Variants in SYNE1 observed in about 807,000 individuals in gnomAD.
SYNE1 encodes nesprin-1.
Under a neutral mutation model 1,111.0 loss-of-function variants are expected in SYNE1, and 616 were observed. The ratio of observed to expected loss-of-function variants is 0.55; its 90% confidence interval spans 0.52 to 0.59. SYNE1 has a LOEUF of 0.59. Ranked by LOEUF, SYNE1 falls within the 20% of genes least tolerant of loss-of-function variation. SYNE1 has a pLI of 0.00. For missense variants in SYNE1, 10,006 were observed against 10,417.0 expected (o/e 0.96, Z 1.72); for synonymous variants, 3,855 against 3,825.8 (o/e 1.01, Z -0.28).
chr6:152,516,146 T>C (rs1186553347), intron 6 of SYNE1, among the ~76,000 whole-genome samples: 1 of 152,150 alleles, frequency 6.6e-6, no homozygotes, highest in Non-Finnish European at 1.5e-5. Context: ...CAAAACTCAT[T>C]ACTTCCCACA....
chr6:152,453,591 A>G lies in SYNE1; in HGVS notation c.3022T>C (p.Trp1008Arg), dbSNP rs772124254. ...TCCGTCCTGTCCTGACTCACCTTCCATTGTTTGTGGAGCTTTCGAACAGCT... is the reference window on the plus strand; with the variant it reads ...TCCGTCCTGTCCTGACTCACCTTCCGTTGTTTGTGGAGCTTTCGAACAGCT... Reference protein sequence around the residue: ...QEAVRKLHKQWKDLQGEAPYH... With the variant: ...QEAVRKLHKQRKDLQGEAPYH... Residue 1008 changes from tryptophan (W) to arginine (R), a missense_variant, in exon 25 of 146, where the codon TGG becomes CGG. Physicochemically the swap from Trp to Arg is moderately radical, Grantham distance 101 (BLOSUM62 -3). Around this residue, in one of 7 missense-constraint regions of SYNE1, gnomAD observed 1,971 missense variants for 2,084.1 expected, o/e 0.95. Transcript: ENST00000367255. 6.2e-7 allele frequency: 1 copy of G among 1,614,146 alleles called. No individual in the cohort carries two copies.
At chr6:152,555,200 G>A (rs897366611) in intron 3 of SYNE1, among the ~76,000 whole-genome samples, 9 of 152,040 alleles carry the variant, frequency 5.9e-5, no homozygotes, top group Non-Finnish European at 1.2e-4. Flanking sequence ...TTGTGTCTTT[G>A]GGGAAATTGG....
chr6:152,502,811 G>A (rs1212278868), intron 9 of SYNE1, 69 bp from the exon 10 acceptor site: 24 of 1,193,954 alleles, frequency 2.0e-5, no homozygotes, highest in Non-Finnish European at 2.7e-5. Flanking sequence ...TACAAGTTTG[G>A]TATCTAGCTA....
chr6:152,455,790 G>C (rs1340467656), intron 23 of SYNE1, 96 bp downstream of exon 23: 1 of 1,549,080 alleles, frequency 6.5e-7, no homozygotes, highest in Non-Finnish European at 8.9e-7. Flanking sequence ...CAGCAGGTAA[G>C]GCGTTTTAGC....
intron 126 of SYNE1, among the ~76,000 whole-genome samples, chr6:152,204,365 C>CAAAAAAAAAAAAAAAAA (rs57252682): frequency 1.1e-5 from 1 of 89,770 alleles, no homozygotes. Flanking sequence ...GACTCTATGT[C>CAAAAAAAAAAAAAAAAA]AAAAAAAAAA....
At chr6:152,456,087 A>G (rs2154258268) in intron 22 of SYNE1, 43 bp from the exon 23 acceptor site, 4 of 1,591,646 alleles carry the variant, frequency 2.5e-6, no homozygotes, top group Non-Finnish European at 3.4e-6. Context: ...TTTACAAGAC[A>G]GAGTGAGAGA....
intron 16 of SYNE1, among the ~76,000 whole-genome samples, chr6:152,469,673 T>A (rs982962603): frequency 6.6e-6 from 1 of 152,160 alleles, no homozygotes; most frequent in Non-Finnish European, 1.5e-5. Context: ...AGTTAAAAAT[T>A]TTTTTTACAA....
Position 152,398,664 on chromosome 6 carries a change from G to A in SYNE1, c.7305C>T (p.Arg2435=), listed in dbSNP as rs776476892. ...CTTCTAGAACTTTGCTGTCACCGGT[G>A]CGATCTGATGATTCTTTTGCTGCTG... The part of the protein sequence containing the change: ...AKAAAKESSD[R]TGDSKVLEAK... Residue 2435 remains arginine, a synonymous_variant, in exon 49 of 146, where the codon CGC becomes CGT. Transcript: ENST00000367255. The A allele has an allele frequency of 5.0e-6, 8 of 1,613,872 alleles. No individual in the cohort carries two copies. The South Asian group carries it at 6.6e-5, about 13-fold the overall frequency.
chr6:152,513,183 A>G (rs1400017555), intron 6 of SYNE1, among the ~76,000 whole-genome samples: 1 of 152,176 alleles, frequency 6.6e-6, no homozygotes, highest in African/African-American at 2.4e-5. Flanking sequence ...TAATCTGGAG[A>G]AGTCTGAGTT....
rs761961310 is a variant in SYNE1 at position 152,219,000 on chromosome 6, T to A, written c.22044+3A>T. 6.2e-7 allele frequency: 1 copy of A among 1,613,714 alleles called. No homozygotes were observed. Among genetic ancestry groups the A allele is most frequent in the East Asian group, 2.2e-5 (1 of 44,884 alleles). On this transcript the variant is annotated splice_donor_region_variant and intron_variant, in intron 120 of 145. Transcript: ENST00000367255. ...CAGAAGATACTAAATAGGAGCTCTG[T>A]ACCTGTAATGAAGTCTGCTGTTTGC...
intron 42 of SYNE1, 94 bp from the exon 43 acceptor site, chr6:152,409,803 G>T (rs1036695873): frequency 7.5e-7 from 1 of 1,330,928 alleles, no homozygotes; most frequent in Non-Finnish European, 1.1e-6. Context: ...CTACGTAAAG[G>T]TATTAATACT....
chr6:152,189,068 T>C (rs2153229156), intron 128 of SYNE1, among the ~76,000 whole-genome samples, 184 bp downstream of exon 128: 1 of 146,270 alleles, frequency 6.8e-6, no homozygotes, highest in South Asian at 2.2e-4. Flanking sequence ...TTTAGGTTTT[T>C]CTAAAATGTG....
At chr6:152,520,951 C>T (rs2099135941) in intron 5 of SYNE1, among the ~76,000 whole-genome samples, 1 of 152,078 alleles carries the variant, frequency 6.6e-6, no homozygotes, top group African/African-American at 2.4e-5. Context: ...AAAGTCAGGA[C>T]CCACAACTAA....
intron 14 of SYNE1, among the ~76,000 whole-genome samples, chr6:152,477,377 AC>A (rs2098841205): frequency 1.3e-5 from 2 of 152,246 alleles, no homozygotes; most frequent in South Asian, 4.1e-4. Flanking sequence ...TGAAGAGGGG[AC>A]CTTTTAGTAA....
intron 3 of SYNE1, among the ~76,000 whole-genome samples, chr6:152,619,774 T>A (rs1727043): frequency 0.97 from 146,857 of 152,140 alleles, 70,945 homozygotes; most frequent in East Asian, 1. Context: ...GGAGAATTTC[T>A]CAAGGGTCAT....
intron 46 of SYNE1, among the ~76,000 whole-genome samples, chr6:152,403,422 C>G (rs1036138345): frequency 1.3e-5 from 2 of 152,136 alleles, no homozygotes; most frequent in Non-Finnish European, 2.9e-5. Flanking sequence ...CATCAACATT[C>G]ATAAGAAGGG....
chr6:152,231,775 T>C (rs1588328529), intron 113 of SYNE1, among the ~76,000 whole-genome samples: 1 of 106,156 alleles, frequency 9.4e-6, no homozygotes, highest in Non-Finnish European at 1.8e-5. Flanking sequence ...AACACAGATA[T>C]ACGTGTGTAT....
chr6:152,399,011 T>C (rs2097774217), intron 48 of SYNE1, among the ~76,000 whole-genome samples: 1 of 152,226 alleles, frequency 6.6e-6, no homozygotes, highest in Non-Finnish European at 1.5e-5. Context: ...GTTTTCTCTT[T>C]GGGTCAAGAA....
Position 152,193,855 on chromosome 6 carries a change from T to C in SYNE1, c.23146-4448A>G, listed in dbSNP as rs138446150. 8.9e-3 allele frequency among the ~76,000 whole-genome samples: 1,354 copies of C among 151,504 alleles called. 12 individuals are homozygous for C. Among genetic ancestry groups the C allele is most frequent in the Non-Finnish European group, 0.013 (908 of 67,880 alleles). ...TGAAACCCTGTCTCTACTAAAAAAA[T>C]ACAAAAAATTAGCCGGGCGTGGTGG... On this transcript the variant is annotated intron_variant, in intron 127 of 145. Transcript: ENST00000367255.
Sources: allele counts gnomAD v4.1 joint callset (sites outside exome capture counted in the v4.1 genomes callset), GRCh38; gene constraint gnomAD v4.1.1; regional missense constraint gnomAD v4.1.1; transcripts MANE v1.5; gene names NCBI Gene and HGNC (gene_info 2026-07-23, HGNC 2026-07-21).